The following ELAPOR1 variants were observed in gnomAD, a reference collection of about 807,000 sequenced individuals.
ELAPOR1 encodes endosome/lysosome-associated apoptosis and autophagy regulator 1.
Under a neutral mutation model 119.7 loss-of-function variants are expected in ELAPOR1, and 77 were observed. That is an observed-to-expected ratio of 0.64 (90% CI 0.54 to 0.78). The LOEUF (loss-of-function observed/expected upper bound fraction) is 0.78, where lower values mean the gene tolerates loss of function less well. Among genes scored for constraint, ELAPOR1 ranks in the 30% least tolerant of loss-of-function variants. The pLI is 0.00. For missense variants in ELAPOR1, 1,115 were observed against 1,270.4 expected (o/e 0.88, Z 1.86); for synonymous variants, 481 against 487.2 (o/e 0.99, Z 0.17).
At chr1:109,151,532 C>G (rs962737152) in intron 1 of ELAPOR1, among the ~76,000 whole-genome samples, 5 of 152,208 alleles carry the variant, frequency 3.3e-5, no homozygotes, top group Non-Finnish European at 7.3e-5. Context: ...CAGGAGTTCA[C>G]AAAACACCCG....
In ELAPOR1 at chr1:109,161,972, C is replaced by T. The variant is rs921190619; in HGVS notation, c.232C>T (p.Leu78=). The T allele has an allele frequency of 6.2e-7, 1 of 1,613,930 alleles. No individual in the cohort carries two copies. The highest frequency in any genetic ancestry group is 8.5e-7 in the Non-Finnish European group (1 of 1,179,828). The change falls in exon 2 of 22, where the codon CTG becomes TTG. Residue 78 remains leucine (L), a synonymous_variant. Coordinates refer to ENST00000369939, the MANE Select transcript of ELAPOR1 (RefSeq NM_020775.5). ...GGTCGCCGTGCCGCATACCCCGGGC[C>T]TGTGCACCAGCCTGCCTGACCCCAT... is the stretch of plus-strand genomic sequence containing the variant. ...WRVAVPHTPG[L]CTSLPDPIKG...
At chr1:109,182,254 C>CGAGAG (rs1558056645) in intron 7 of ELAPOR1, among the ~76,000 whole-genome samples, 1 of 151,942 alleles carries the variant, frequency 6.6e-6, no homozygotes, top group Non-Finnish European at 1.5e-5. Flanking sequence ...CACTTGAACC[C>CGAGAG]GAGAGGCGGA....
At chr1:109,174,533 G>A (rs979491224) in intron 7 of ELAPOR1, among the ~76,000 whole-genome samples, 3 of 147,434 alleles carry the variant, frequency 2.0e-5, no homozygotes, top group African/African-American at 7.4e-5. Flanking sequence ...ACAGACAAAG[G>A]TCCCTGTTTT....
intron 4 of ELAPOR1, 22 bp downstream of exon 4, chr1:109,172,035 A>T: frequency 6.2e-7 from 1 of 1,613,944 alleles, no homozygotes; most frequent in Non-Finnish European, 8.5e-7. Context: ...GCCAAGGTGG[A>T]GGGTGGGAGC....
At chr1:109,164,258 A>T (rs647294) in intron 2 of ELAPOR1, among the ~76,000 whole-genome samples, 1 of 151,780 alleles carries the variant, frequency 6.6e-6, no homozygotes, top group East Asian at 1.9e-4. Context: ...CTATGGCTTC[A>T]CCTCTTTTGG....
At chr1:109,172,611 G>C (rs1570681449) in intron 5 of ELAPOR1, 43 bp downstream of exon 5, 2 of 1,466,372 alleles carry the variant, frequency 1.4e-6, no homozygotes, top group Non-Finnish European at 1.9e-6. Context: ...CCAGAAAAGG[G>C]ACCCAGGGCC....
intron 2 of ELAPOR1, among the ~76,000 whole-genome samples, chr1:109,163,781 T>C (rs941011911): frequency 2.6e-5 from 4 of 152,118 alleles, no homozygotes; most frequent in Non-Finnish European, 4.4e-5. Flanking sequence ...ATTGCAATGA[T>C]TGAGTTAACA....
chr1:109,167,259 TCA>T (rs1651658673), intron 3 of ELAPOR1, among the ~76,000 whole-genome samples: 1 of 152,116 alleles, frequency 6.6e-6, no homozygotes, highest in Non-Finnish European at 1.5e-5. Flanking sequence ...TCATTATCTC[TCA>T]GAGAGGCAGG....
chr1:109,136,140 A>G (rs1649451982), intron 1 of ELAPOR1, among the ~76,000 whole-genome samples: 1 of 152,192 alleles, frequency 6.6e-6, no homozygotes, highest in Non-Finnish European at 1.5e-5. Flanking sequence ...AAAAGTTCAT[A>G]TGTACCTTAG....
chr1:109,161,384 T>C (rs773892711), intron 1 of ELAPOR1, among the ~76,000 whole-genome samples: 2 of 123,262 alleles, frequency 1.6e-5, no homozygotes, highest in Non-Finnish European at 1.6e-5. Flanking sequence ...CACTCCAGCC[T>C]GGGCGACAGA....
intron 1 of ELAPOR1, among the ~76,000 whole-genome samples, chr1:109,159,519 A>G (rs1354986801): frequency 6.6e-6 from 1 of 152,174 alleles, no homozygotes; most frequent in East Asian, 1.9e-4. Context: ...CTCAGAAGTG[A>G]GCCTGGCTGC....
At chr1:109,197,864 A>T in intron 16 of ELAPOR1, 115 bp from the exon 17 acceptor site, 1 of 1,059,162 alleles carries the variant, frequency 9.4e-7, no homozygotes, top group Non-Finnish European at 1.4e-6. Flanking sequence ...TTCATAAGCC[A>T]CTCAGGGATG....
At chr1:109,181,285 C>A (rs1652680534) in intron 7 of ELAPOR1, among the ~76,000 whole-genome samples, 1 of 152,130 alleles carries the variant, frequency 6.6e-6, no homozygotes, top group Non-Finnish European at 1.5e-5. Context: ...GAGGCAGGTG[C>A]AGAAAGAGGA....
chr1:109,135,134 C>T lies in ELAPOR1; in HGVS notation c.153+20798C>T, dbSNP rs1254250070. The stretch of plus-strand genomic sequence containing the variant: ...CCTGGTTTAGAGCAGGGTTCCCAAA[C>T]TGCAGTAGGTATCAGCATCCCCTGG... On this transcript the variant is annotated intron_variant, in intron 1 of 21. Transcript: ENST00000369939. 2.6e-5 allele frequency among the ~76,000 whole-genome samples: 4 copies of T among 152,226 alleles called. 1 individual carries two copies. The highest frequency in any genetic ancestry group is 2.9e-5 in the Non-Finnish European group (2 of 68,046).
In ELAPOR1 at chr1:109,185,116, T is replaced by A; in HGVS notation, c.1024T>A (p.Cys342Ser). 2 of 1,613,780 alleles carry A rather than the reference T, an allele frequency of 1.2e-6. No homozygotes were observed. Among genetic ancestry groups the A allele is most frequent in the Non-Finnish European group, 8.5e-7 (1 of 1,179,656 alleles). The change falls in exon 8 of 22, where the codon TGC becomes AGC. Residue 342 changes from cysteine (C) to serine (S), a missense_variant. Transcript: ENST00000369939. ...AGATTATTTCTACACACACACGGCC[T>A]GCGATGCCAACGGAGAGGTGGGTAG... is the stretch of plus-strand genomic sequence containing the variant. ...DKDYFYTHTA[C>S]DANGETQLMY...
intron 1 of ELAPOR1, among the ~76,000 whole-genome samples, chr1:109,131,639 G>A (rs1271975125): frequency 6.6e-6 from 1 of 152,068 alleles, no homozygotes; most frequent in African/African-American, 2.4e-5. Flanking sequence ...TGAGGGAAAG[G>A]GAATAGTCTG....
intron 1 of ELAPOR1, among the ~76,000 whole-genome samples, chr1:109,160,582 G>A (rs6679586): frequency 4.6e-5 from 7 of 152,172 alleles, no homozygotes; most frequent in Non-Finnish European, 7.4e-5. Context: ...TGATCCTGAC[G>A]CATTATTAGA....
chr1:109,119,623 AACTCATCT>A lies in ELAPOR1; in HGVS notation c.153+5290_153+5297del, dbSNP rs1468745780. Among the ~76,000 whole-genome samples, 3 of 152,014 alleles carry A rather than the reference AACTCATCT, an allele frequency of 2.0e-5. No homozygotes were observed. The East Asian group carries it at 5.8e-4, about 29-fold the overall frequency. On this transcript the variant is annotated intron_variant, in intron 1 of 21. Transcript: ENST00000369939. Reference sequence around the variant, plus strand: ...TTTCTAACTCAACACTAAGCTTCTAAACTCATCTACGTTATTGTATGTTACTATATTTT... The same window carrying A: ...TTTCTAACTCAACACTAAGCTTCTAAACGTTATTGTATGTTACTATATTTT...
At chr1:109,194,366 A>C in intron 14 of ELAPOR1, 55 bp from the exon 15 acceptor site, 1 of 1,519,106 alleles carries the variant, frequency 6.6e-7, no homozygotes, top group Non-Finnish European at 9.1e-7. Context: ...TCTTGGCTGC[A>C]GGCCCTCAAG....
Sources: gnomAD v4.1 joint callset for allele counts (sites outside exome capture counted in the v4.1 genomes callset) on GRCh38, gnomAD v4.1.1 for gene constraint, MANE v1.5 for transcripts, NCBI Gene and HGNC (gene_info 2026-07-23, HGNC 2026-07-21) for gene names.